The following BNIP2 variants were observed in gnomAD, a reference collection of about 807,000 sequenced individuals.
BNIP2 encodes the protein BCL2/adenovirus E1B 19 kDa protein-interacting protein 2.
Under a neutral mutation model 43.4 loss-of-function variants are expected in BNIP2, and 36 were observed. The observed-to-expected ratio is 0.83, with a 90% CI of 0.64 to 1.10. The LOEUF (loss-of-function observed/expected upper bound fraction) is 1.10. BNIP2 is among the 50% of genes least tolerant of loss of function. The pLI is 0.00. For synonymous variants in BNIP2, 146 were observed against 121.0 expected, an observed-to-expected ratio of 1.21 and a Z score of -1.35; for missense variants, 417 against 374.1, an observed-to-expected ratio of 1.11 and a Z score of -0.95.
intron 1 of BNIP2, among the ~76,000 whole-genome samples, chr15:59,682,810 T>C (rs1487523504): frequency 1.3e-5 from 2 of 152,218 alleles, no homozygotes; most frequent in Non-Finnish European, 2.9e-5. Flanking sequence ...TTTCATACTA[T>C]GGATTATATT....
intron 8 of BNIP2, 90 bp from the exon 9 acceptor site, chr15:59,669,080 G>C (rs1246532885): frequency 1.3e-5 from 16 of 1,263,080 alleles, no homozygotes; most frequent in South Asian, 2.7e-5. Context: ...ATGTCATTTT[G>C]AATGTTCAAA....
At chr15:59,687,305 T>C (rs574591491) in intron 1 of BNIP2, among the ~76,000 whole-genome samples, 24 of 152,234 alleles carry the variant, frequency 1.6e-4, no homozygotes, top group African/African-American at 5.1e-4. Flanking sequence ...TTCTGCTTTA[T>C]AGGATGTAAA....
At chr15:59,667,770 G>GA (rs1411620653) in intron 9 of BNIP2, among the ~76,000 whole-genome samples, 1 of 152,054 alleles carries the variant, frequency 6.6e-6, no homozygotes, top group Non-Finnish European at 1.5e-5. Flanking sequence ...AGAAAATGGT[G>GA]AAACAGATAA....
intron 4 of BNIP2, chr15:59,678,370 T>C: frequency 8.9e-7 from 1 of 1,129,842 alleles, no homozygotes; most frequent in African/African-American, 1.6e-5. Context: ...ATTTGTAGAG[T>C]CATCAAAATC....
chr15:59,665,827 A>T (rs1892536463), intron 9 of BNIP2, among the ~76,000 whole-genome samples: 2 of 152,238 alleles, frequency 1.3e-5, no homozygotes, highest in African/African-American at 4.8e-5. Context: ...GGTATTAGAT[A>T]AAGAAAAATA....
chr15:59,679,578 A>C lies in BNIP2; in HGVS notation c.295+14T>G. On this transcript the variant is annotated intron_variant, in intron 4 of 9. Transcript: ENST00000607373. ...CATTAATAAAGATCAGATTAAAAAC[A>C]GTGAAACATTTACCTTCCCACTCAA... The C allele has an allele frequency of 6.2e-7, 1 of 1,608,820 alleles. No homozygotes were observed. Among genetic ancestry groups the C allele is most frequent in the Non-Finnish European group, 8.5e-7 (1 of 1,177,448 alleles).
At chr15:59,675,360 C>G (rs1893211049) in intron 5 of BNIP2, among the ~76,000 whole-genome samples, 1 of 152,082 alleles carries the variant, frequency 6.6e-6, no homozygotes, top group Admixed American at 6.5e-5. Flanking sequence ...CCTGTAATCC[C>G]AGCACTTCAG....
At chr15:59,685,202 G>A (rs765041520) in intron 1 of BNIP2, among the ~76,000 whole-genome samples, 2 of 152,272 alleles carry the variant, frequency 1.3e-5, no homozygotes, top group African/African-American at 4.8e-5. Flanking sequence ...TTGTCTCTGT[G>A]AAAACAGCTC....
Position 59,671,192 on chromosome 15 carries a change from A to G in BNIP2, c.698T>C (p.Ile233Thr). ...LGWLRKCYQQ[I>T]DRRLRKNLKS... The stretch of plus-strand genomic sequence containing the variant: ...CTTGTATTTGTATTACCTTCTATCA[A>G]TTTGCTGATAACATTTCCTGAGCCA... Residue 233 changes from isoleucine (I) to threonine (T), a missense_variant, in exon 7 of 10, where the codon ATT becomes ACT. Transcript: ENST00000607373. 1.3e-6 allele frequency: 2 copies of G among 1,595,648 alleles called. No individual in the cohort carries two copies. Among genetic ancestry groups the G allele is most frequent in the Non-Finnish European group, 8.5e-7 (1 of 1,169,844 alleles).
intron 1 of BNIP2, among the ~76,000 whole-genome samples, chr15:59,683,215 A>T (rs1342773821): frequency 4.6e-5 from 1 of 21,838 alleles, no homozygotes. Flanking sequence ...TTTTCCAAGG[A>T]ATCACGTGAG....
chr15:59,680,660 C>T (rs1893609726), intron 2 of BNIP2, among the ~76,000 whole-genome samples: 1 of 152,224 alleles, frequency 6.6e-6, no homozygotes, highest in Admixed American at 6.5e-5. Flanking sequence ...ATTGACCTCC[C>T]TAAGTGTTGG....
chr15:59,686,822 G>T (rs1234366417), intron 1 of BNIP2, among the ~76,000 whole-genome samples: 2 of 152,140 alleles, frequency 1.3e-5, no homozygotes, highest in East Asian at 3.9e-4. Context: ...TTCAAGACCA[G>T]CCTGGCCAAC....
At chr15:59,678,806 T>C in intron 4 of BNIP2, 1 of 1,303,180 alleles carries the variant, frequency 7.7e-7, no homozygotes, top group South Asian at 1.2e-5. Flanking sequence ...GACAAAGCTG[T>C]TAACGGAAAA....
Position 59,680,322 on chromosome 15 carries a change from G to A in BNIP2, c.51-14C>T. 1.3e-6 allele frequency: 2 copies of A among 1,577,684 alleles called. No homozygotes were observed. Among genetic ancestry groups the A allele is most frequent in the Admixed American group, 1.8e-5 (1 of 56,284 alleles). Reference sequence around the variant, plus strand: ...TCTGGTAAAGGTCTAGAAGACACAGGCATACTTTTTAATCCAGAAATTAAG... The same window carrying A: ...TCTGGTAAAGGTCTAGAAGACACAGACATACTTTTTAATCCAGAAATTAAG... On this transcript the variant is annotated splice_polypyrimidine_tract_variant and intron_variant, in intron 2 of 9. Transcript: ENST00000607373.
At chr15:59,673,274 G>A (rs368861701) in intron 5 of BNIP2, among the ~76,000 whole-genome samples, 6 of 151,952 alleles carry the variant, frequency 3.9e-5, no homozygotes, top group African/African-American at 1.5e-4. Context: ...CACCGTGCCC[G>A]GCTAATTTTT....
At chr15:59,668,841 A>C in intron 9 of BNIP2, 51 bp downstream of exon 9, 14 of 1,446,908 alleles carry the variant, frequency 9.7e-6, no homozygotes, top group Non-Finnish European at 1.4e-5. Flanking sequence ...TATCCATTGC[A>C]CATCAAAATG....
chr15:59,672,773 C>T (rs1156337432), intron 5 of BNIP2, 34 bp from the exon 6 acceptor site: 9 of 1,524,900 alleles, frequency 5.9e-6, no homozygotes, highest in South Asian at 2.3e-5. Context: ...ATCACCAGCA[C>T]GATTTTACTC....
At chr15:59,687,136 A>AG (rs1268356248) in intron 1 of BNIP2, among the ~76,000 whole-genome samples, 1 of 152,228 alleles carries the variant, frequency 6.6e-6, no homozygotes, top group Non-Finnish European at 1.5e-5. Flanking sequence ...CACCTACAAA[A>AG]GTTACATTTA....
chr15:59,681,170 C>T (rs1893642774), intron 2 of BNIP2, among the ~76,000 whole-genome samples: 1 of 152,192 alleles, frequency 6.6e-6, no homozygotes, highest in East Asian at 1.9e-4. Context: ...CCACCATATG[C>T]AACAGTGACT....
Sources: gnomAD v4.1 joint callset for allele counts (sites outside exome capture counted in the v4.1 genomes callset) on GRCh38, gnomAD v4.1.1 for gene constraint, MANE v1.5 for transcripts, NCBI Gene and HGNC (gene_info 2026-07-23, HGNC 2026-07-21) for gene names.